ZNF565: variants seen among roughly 807,000 people sequenced by gnomAD.
ZNF565 encodes the protein zinc finger protein 565.
In ZNF565, 27 loss-of-function variants were observed where a neutral mutation model predicts 39.4. That is an observed-to-expected ratio of 0.69 (90% CI 0.51 to 0.95). The LOEUF (loss-of-function observed/expected upper bound fraction) is 0.95, where lower values mean the gene tolerates loss of function less well. Ranked by LOEUF, ZNF565 falls within the 40% of genes least tolerant of loss-of-function variation. The pLI is 0.00. For missense variants in ZNF565, 524 were observed against 621.1 expected, an observed-to-expected ratio of 0.84 and a Z score of 1.66; for synonymous variants, 185 against 216.6, an observed-to-expected ratio of 0.85 and a Z score of 1.28.
In ZNF565 at chr19:36,245,433, C is replaced by T. The variant is rs779559162; in HGVS notation, c.55+43G>A. 1.4e-5 allele frequency: 10 copies of T among 701,930 alleles called. No individual in the cohort carries two copies. Among genetic ancestry groups the T allele is most frequent in the Admixed American group, 2.0e-5 (1 of 49,886 alleles). 43.5% of individuals were successfully genotyped at this position (701,930 alleles called of 1,614,324 possible). On this transcript the variant is annotated intron_variant, in intron 1 of 4. Transcript: ENST00000355114. The surrounding 1 kb of genome is among the most constrained non-coding windows in gnomAD (Gnocchi z 4.4). ...GCTTACGACGCCCACCCAGAAAATC[C>T]GGATCACATTTCCCGTGGTCCACCG...
upstream of ZNF565, among the ~76,000 whole-genome samples, chr19:36,217,918 C>T (rs145476574): frequency 9.0e-4 from 136 of 150,604 alleles, no homozygotes; most frequent in East Asian, 0.017. Context: ...AAGATACATA[C>T]GAAATAATAA....
intron 1 of ZNF565, chr19:36,238,708 A>T (rs1165146210): frequency 1.2e-5 from 2 of 167,108 alleles, no homozygotes; most frequent in African/African-American, 4.8e-5. Context: ...GAATGGATGG[A>T]CTTGCTCTCT....
intron 4 of ZNF565, among the ~76,000 whole-genome samples, chr19:36,184,079 T>TA (rs752744030): frequency 0.33 from 12,970 of 39,226 alleles, 3,000 homozygotes; most frequent in African/African-American, 0.42. Context: ...CTCTGTCTCA[T>TA]AAAAAAAAAA....
At chr19:36,191,895 A>G (rs1311196702) in intron 4 of ZNF565, among the ~76,000 whole-genome samples, 2 of 152,182 alleles carry the variant, frequency 1.3e-5, no homozygotes, top group Non-Finnish European at 2.9e-5. Context: ...ACATTTGCCT[A>G]GTGTGAAAGT....
chr19:36,238,952 A>G (rs909977860), intron 1 of ZNF565, among the ~76,000 whole-genome samples: 1 of 152,136 alleles, frequency 6.6e-6, no homozygotes, highest in Non-Finnish European at 1.5e-5. Context: ...GGAACTGTGC[A>G]TGTGAGGAAT....
Position 36,183,663 on chromosome 19 carries a change from T to C in ZNF565, c.303A>G (p.Ile101Met). The C allele has an allele frequency of 6.2e-7, 1 of 1,614,026 alleles. No individual in the cohort carries two copies. Among genetic ancestry groups the C allele is most frequent in the East Asian group, 2.2e-5 (1 of 44,878 alleles). ...GGTCACTGCATTTAAGGCTTTCCAT[T>C]ATCTCCCAGTTGAATGCCCCGATTT... ...IFEIGAFNWEIMESLKCSDLE... is the reference protein window; with the variant it reads ...IFEIGAFNWEMMESLKCSDLE... Residue 101 changes from isoleucine (I) to methionine (M), a missense_variant, in exon 5 of 5, where the codon ATA becomes ATG. Transcript: ENST00000304116.
At chr19:36,199,356 CA>C (rs772710565) in intron 2 of ZNF565, among the ~76,000 whole-genome samples, 1 of 152,084 alleles carries the variant, frequency 6.6e-6, no homozygotes, top group Non-Finnish European at 1.5e-5. Context: ...AAAGGTCTCA[CA>C]AAACAGATGT....
At chr19:36,232,353 T>G (rs575060437) in intron 1 of ZNF565, among the ~76,000 whole-genome samples, 26 of 152,336 alleles carry the variant, frequency 1.7e-4, no homozygotes, top group African/African-American at 5.8e-4. Context: ...TTAAAATGTT[T>G]GTTACTTCTG....
intron 1 of ZNF565, among the ~76,000 whole-genome samples, chr19:36,244,069 C>T (rs1977840649): frequency 6.6e-6 from 1 of 152,142 alleles, no homozygotes; most frequent in South Asian, 2.1e-4. Context: ...AGTCATTAGG[C>T]TGCTCTGCCA....
In ZNF565 at chr19:36,207,551, AAAT is replaced by A. The variant is rs1285548614; in HGVS notation, c.-65-5504_-65-5502del. Among the ~76,000 whole-genome samples the A allele has an allele frequency of 4.8e-3, 734 of 152,084 alleles. 7 individuals carry two copies. The highest frequency in any genetic ancestry group is 0.017 in the African/African-American group (703 of 41,488). ...GAGACTCCATCTCAAACAAAAAAAA[AAAT>A]ACATAACAAACAAACAACAAAACAA... On this transcript the variant is annotated intron_variant, in intron 1 of 4. Coordinates refer to ENST00000304116, the MANE Select transcript of ZNF565 (RefSeq NM_152477.5).
At chr19:36,210,301 G>A (rs1035811846) in intron 1 of ZNF565, among the ~76,000 whole-genome samples, 3 of 150,652 alleles carry the variant, frequency 2.0e-5, no homozygotes, top group African/African-American at 7.3e-5. Context: ...GTGGGCGCCT[G>A]TAATCCCAGC....
Position 36,211,449 on chromosome 19 carries a change from TCACACACACA to T in ZNF565, c.-66+3163_-66+3172del, listed in dbSNP as rs370230430. ...ACAAGAGCCAAACTCCAACTCTCTC[TCACACACACA>T]CACACACACACACACACACACACAC... On this transcript the variant is annotated intron_variant, in intron 1 of 4. Coordinates refer to ENST00000304116, the MANE Select transcript of ZNF565 (RefSeq NM_152477.5). Among the ~76,000 whole-genome samples, 94 of 137,772 alleles carry T rather than the reference TCACACACACA, an allele frequency of 6.8e-4. 1 individual carries two copies. The highest frequency in any genetic ancestry group is 3.9e-3 in the Middle Eastern group (1 of 256). The allele number at this position is 137,772 out of a possible 152,430, so 90.4% of individuals were successfully genotyped here.
intron 1 of ZNF565, among the ~76,000 whole-genome samples, chr19:36,243,752 G>T (rs1400779004): frequency 6.6e-6 from 1 of 151,956 alleles, no homozygotes; most frequent in Non-Finnish European, 1.5e-5. Flanking sequence ...CAGGCTGGGG[G>T]TGGGGGTGGC....
At chr19:36,244,125 C>A (rs1484952240) in intron 1 of ZNF565, among the ~76,000 whole-genome samples, 4 of 125,266 alleles carry the variant, frequency 3.2e-5, no homozygotes, top group African/African-American at 8.9e-5. Flanking sequence ...CCATGGGATC[C>A]CATGTCTGTG....
At chr19:36,188,729 AAAC>A (rs913861402) in intron 4 of ZNF565, among the ~76,000 whole-genome samples, 52 of 151,944 alleles carry the variant, frequency 3.4e-4, no homozygotes, top group African/African-American at 7.5e-4. Flanking sequence ...AAAAAAAACA[AAAC>A]AACAACAACA....
At chr19:36,223,367 A>AT (rs1261540014) in intron 1 of ZNF565, among the ~76,000 whole-genome samples, 1 of 151,092 alleles carries the variant, frequency 6.6e-6, no homozygotes, top group South Asian at 2.1e-4. Flanking sequence ...ATCTAGTTAC[A>AT]TTTTTTTCTT....
upstream of ZNF565, among the ~76,000 whole-genome samples, chr19:36,216,194 G>C (rs560378199): frequency 3.3e-5 from 5 of 152,238 alleles, no homozygotes; most frequent in African/African-American, 1.2e-4. Flanking sequence ...TACAATAGCA[G>C]TAAAAAGATA....
At chr19:36,188,496 G>A (rs1236410413) in intron 4 of ZNF565, among the ~76,000 whole-genome samples, 2 of 152,112 alleles carry the variant, frequency 1.3e-5, no homozygotes, top group African/African-American at 2.4e-5. Flanking sequence ...CAGGTCAGTT[G>A]AGGTCAGGAG....
chr19:36,201,824 A>T (rs1471664393), intron 2 of ZNF565, among the ~76,000 whole-genome samples, 153 bp downstream of exon 2: 2 of 152,030 alleles, frequency 1.3e-5, no homozygotes, highest in Admixed American at 1.3e-4. Flanking sequence ...TGGAGAGGAG[A>T]GGGCCACCGA....
Sources: gnomAD v4.1 joint callset for allele counts (sites outside exome capture counted in the v4.1 genomes callset) on GRCh38, gnomAD v4.1.1 for gene constraint, Gnocchi (gnomAD v3.1) non-coding constraint, MANE v1.5 for transcripts, NCBI Gene and HGNC (gene_info 2026-07-23, HGNC 2026-07-21) for gene names.